PPIF: variants seen among roughly 807,000 people sequenced by gnomAD.
PPIF encodes peptidylprolyl isomerase F.
PPIF carries 23 observed loss-of-function variants against 20.2 expected under a neutral mutation model. The observed-to-expected ratio is 1.14, with a 90% CI of 0.82 to 1.61. The LOEUF is 1.61. PPIF is among the 40% of genes most tolerant of loss of function. The probability of loss-of-function intolerance (pLI) is 0.00; values close to 1 mark genes in which losing one functional copy is unlikely to be tolerated. For missense variants in PPIF, 287 were observed against 291.6 expected (o/e 0.98, Z 0.11); for synonymous variants, 113 against 123.1 (o/e 0.92, Z 0.54).
At position 79,354,786 on chromosome 10, in the gene PPIF, A is replaced by C. The variant is rs932396812; in HGVS notation, c.*944A>C. 1 of 152,700 alleles carries C rather than the reference A, an allele frequency of 6.5e-6. No homozygotes were observed. The highest frequency in any genetic ancestry group is 2.4e-5 in the African/African-American group (1 of 41,456). The allele number at this position is 152,700 out of a possible 1,614,324, so 9.5% of individuals were successfully genotyped here. On this transcript the variant is annotated 3_prime_UTR_variant, in exon 6 of 6. Transcript: ENST00000225174. ...TGATCTTTACTGAGCTCGCCGTGGC[A>C]GATGCCATGCTCAGGACGTTCATGT...
At chr10:79,348,303 G>T (rs556654278) in intron 1 of PPIF, among the ~76,000 whole-genome samples, 8 of 152,300 alleles carry the variant, frequency 5.3e-5, no homozygotes, top group African/African-American at 1.9e-4. Flanking sequence ...TGCCCCTCCT[G>T]CGAGTCGGGA....
chr10:79,347,743 G>A lies in PPIF; in HGVS notation c.195G>A (p.Glu65=), dbSNP rs2132149212. ...NGKPLGRVVL[E]LKADVVPKTA... is the part of the protein sequence containing the mutation. ...AGCCGCTCGGCCGCGTGGTGCTGGA[G>A]GTGAGACCGCTCGCAGGGCCGGCCT... The change falls in exon 1 of 6, where the codon GAG becomes GAA. Residue 65 remains glutamate, a splice_region_variant and synonymous_variant. Coordinates refer to ENST00000225174, the MANE Select transcript of PPIF (RefSeq NM_005729.4). 7.4e-7 allele frequency: 1 copy of A among 1,350,872 alleles called. No homozygotes were observed. The highest frequency in any genetic ancestry group is 1.5e-5 in the African/African-American group (1 of 66,584). The allele number at this position is 1,350,872 out of a possible 1,614,324, so 83.7% of individuals were successfully genotyped here.
In PPIF at chr10:79,347,624, G is replaced by T; in HGVS notation, c.76G>T (p.Ala26Ser). ...VPRSVPLRLP[A>S]ARACSKGSGD... ...GCGCTCCGTGCCGCTGCGCCTCCCC[G>T]CGGCCCGCGCCTGCAGCAAGGGCTC... The change falls in exon 1 of 6, where the codon GCG becomes TCG. Residue 26 changes from alanine to serine, a missense_variant. Coordinates refer to ENST00000225174, the MANE Select transcript of PPIF (RefSeq NM_005729.4). The T allele has an allele frequency of 1.4e-6, 2 of 1,444,780 alleles. No individual in the cohort carries two copies. The highest frequency in any genetic ancestry group is 9.1e-7 in the Non-Finnish European group (1 of 1,094,568). 89.5% of individuals were successfully genotyped at this position (1,444,780 alleles called of 1,614,324 possible).
At chr10:79,349,196 G>GGT (rs1392488423) in intron 2 of PPIF, 90 bp downstream of exon 2, 2 of 1,610,288 alleles carry the variant, frequency 1.2e-6, no homozygotes, top group Non-Finnish European at 1.7e-6. Context: ...AAGAGTCGGG[G>GGT]CTCAGAGACC....
intron 1 of PPIF, 25 bp from the exon 2 acceptor site, chr10:79,349,050 CT>C: frequency 6.2e-7 from 1 of 1,613,926 alleles, no homozygotes; most frequent in Non-Finnish European, 8.5e-7. Context: ...TGACCATCCT[CT>C]TTTGTCCTTC....
Position 79,347,557 on chromosome 10 carries a change from G to A in PPIF, c.9G>A (p.Ala3=). ...CCCGACCCGCGCCCGCGATGCTGGC[G>A]CTGCGCTGCGGCTCCCGCTGGCTCG... ML[A]LRCGSRWLGL... is the part of the protein sequence containing the mutation. Residue 3 remains alanine (A), a synonymous_variant, in exon 1 of 6, where the codon GCG becomes GCA. Coordinates refer to ENST00000225174, the MANE Select transcript of PPIF (RefSeq NM_005729.4). 1 of 1,328,888 alleles carries A rather than the reference G, an allele frequency of 7.5e-7. No individual in the cohort carries two copies. The highest frequency in any genetic ancestry group is 9.6e-7 in the Non-Finnish European group (1 of 1,042,952). 82.3% of individuals were successfully genotyped at this position (1,328,888 alleles called of 1,614,324 possible).
At chr10:79,350,229 G>T (rs765893607) in intron 3 of PPIF, among the ~76,000 whole-genome samples, 4 of 152,166 alleles carry the variant, frequency 2.6e-5, no homozygotes, top group Non-Finnish European at 4.4e-5. Context: ...CATTATTCTC[G>T]GTGAAATGAA....
At chr10:79,350,834 T>C (rs1437281862) in intron 3 of PPIF, among the ~76,000 whole-genome samples, 3 of 152,178 alleles carry the variant, frequency 2.0e-5, no homozygotes, top group Non-Finnish European at 4.4e-5. Flanking sequence ...GGATCCCATC[T>C]CAGGAAAACA....
rs974900118 is a variant in PPIF, at chr10:79,355,080, G to A, written c.*1238G>A. The A allele has an allele frequency of 6.6e-6, 1 of 152,330 alleles. No homozygotes were observed. The highest frequency in any genetic ancestry group is 1.5e-5 in the Non-Finnish European group (1 of 68,050). The allele number at this position is 152,330 out of a possible 1,614,324, so 9.4% of individuals were successfully genotyped here. Reference sequence around the variant, plus strand: ...TGCTACGAGGTGTTTGGATCATGGGGACGGGTATTTCATGGCTTGGTGCTG... The same window carrying A: ...TGCTACGAGGTGTTTGGATCATGGGAACGGGTATTTCATGGCTTGGTGCTG... On this transcript the variant is annotated 3_prime_UTR_variant, in exon 6 of 6. Transcript: ENST00000225174.
Position 79,347,674 on chromosome 10 carries a change from C to G in PPIF, c.126C>G (p.Ser42=). Residue 42 remains serine, a synonymous_variant, in exon 1 of 6, where the codon TCC becomes TCG. Transcript: ENST00000225174. ...KGSGDPSSSS[S]SGNPLVYLDV... ...CCGGCGACCCGTCCTCTTCCTCCTC[C>G]TCCGGGAACCCGCTCGTGTACCTGG... 1 of 1,477,648 alleles carries G rather than the reference C, an allele frequency of 6.8e-7. No individual in the cohort carries two copies. The highest frequency in any genetic ancestry group is 9.0e-7 in the Non-Finnish European group (1 of 1,110,718). The allele number at this position is 1,477,648 out of a possible 1,614,324, so 91.5% of individuals were successfully genotyped here.
At chr10:79,350,707 C>G (rs117107566) in intron 3 of PPIF, among the ~76,000 whole-genome samples, 2,365 of 152,314 alleles carry the variant, frequency 0.016, 63 homozygotes, top group East Asian at 0.061. Context: ...GGCGGTGGCA[C>G]CGGGAGTCCA....
chr10:79,349,688 G>A lies in PPIF; in HGVS notation c.250G>A (p.Gly84Ser), dbSNP rs1185414686. Residue 84 changes from glycine (G) to serine (S), a missense_variant, in exon 3 of 6, where the codon GGT becomes AGT. Transcript: ENST00000225174. ...AGAGAACTTCAGAGCCCTGTGCACT[G>A]GTGAGAAGGGCTTCGGCTACAAAGG... Reference protein sequence around the residue: ...TAENFRALCTGEKGFGYKGST... With the variant: ...TAENFRALCTSEKGFGYKGST... 2.5e-5 allele frequency: 40 copies of A among 1,613,766 alleles called. No individual in the cohort carries two copies. Among genetic ancestry groups the A allele is most frequent in the Non-Finnish European group, 3.2e-5 (38 of 1,180,004 alleles).
chr10:79,354,092 A>C lies in PPIF; in HGVS notation c.*250A>C. 7.6e-6 allele frequency: 4 copies of C among 523,480 alleles called. No individual in the cohort carries two copies. The highest frequency in any genetic ancestry group is 4.3e-5 in the South Asian group (2 of 46,186). The allele number at this position is 523,480 out of a possible 1,614,324, so 32.4% of individuals were successfully genotyped here. ...ACATGATGTCACCCACCCCTTGTCA[A>C]GCATTGCCTGTGATTGCCCAGCCCA... On this transcript the variant is annotated 3_prime_UTR_variant, in exon 6 of 6. Coordinates refer to ENST00000225174, the MANE Select transcript of PPIF (RefSeq NM_005729.4).
intron 1 of PPIF, 63 bp downstream of exon 1, chr10:79,347,806 C>A: frequency 8.0e-7 from 1 of 1,244,136 alleles, no homozygotes; most frequent in South Asian, 3.5e-5. Flanking sequence ...CCCTGGGCCC[C>A]GGGCGGCGCG....
chr10:79,352,454 G>T (rs1008112594), intron 5 of PPIF, 62 bp downstream of exon 5: 6 of 1,549,508 alleles, frequency 3.9e-6, no homozygotes, highest in Non-Finnish European at 4.5e-6. Flanking sequence ...AGGAGGATTC[G>T]TGCACTTTTA....
At position 79,354,997 on chromosome 10, in the gene PPIF, A is replaced by G. The variant is rs1856030001; in HGVS notation, c.*1155A>G. ...CATAAGGAGGCGATATAGTTTGAAT[A>G]TTTGTCCCCAGCCAAATCTCATGTT... On this transcript the variant is annotated 3_prime_UTR_variant, in exon 6 of 6. Coordinates refer to ENST00000225174, the MANE Select transcript of PPIF (RefSeq NM_005729.4). 6.6e-6 allele frequency: 1 copy of G among 152,238 alleles called. No individual in the cohort carries two copies. The highest frequency in any genetic ancestry group is 1.5e-5 in the Non-Finnish European group (1 of 68,024). 9.4% of individuals were successfully genotyped at this position (152,238 alleles called of 1,614,324 possible).
chr10:79,351,378 AG>A, intron 3 of PPIF, 108 bp from the exon 4 acceptor site: 1 of 794,214 alleles, frequency 1.3e-6, no homozygotes, highest in Non-Finnish European at 2.0e-6. Context: ...CCTTTACCTG[AG>A]GGGCGCCAAC....
At chr10:79,350,878 G>A (rs1855973523) in intron 3 of PPIF, among the ~76,000 whole-genome samples, 1 of 152,238 alleles carries the variant, frequency 6.6e-6, no homozygotes, top group Non-Finnish European at 1.5e-5. Context: ...GGCAGCGCTA[G>A]GCATAGGGGC....
chr10:79,350,748 G>T (rs1051538507), intron 3 of PPIF, among the ~76,000 whole-genome samples: 3 of 152,236 alleles, frequency 2.0e-5, no homozygotes, highest in Non-Finnish European at 2.9e-5. Context: ...CGTTGGGAGG[G>T]ATATCAATTA....
Sources: gnomAD v4.1 joint callset for allele counts (sites outside exome capture counted in the v4.1 genomes callset) on GRCh38, gnomAD v4.1.1 for gene constraint, MANE v1.5 for transcripts, NCBI Gene and HGNC (gene_info 2026-07-23, HGNC 2026-07-21) for gene names.